Variants in PIRT observed in about 807,000 individuals in gnomAD.
PIRT encodes phosphoinositide interacting regulator of transient receptor potential channels, also known as phosphoinositide-interacting protein.
A neutral mutation model predicts 7.9 loss-of-function variants in PIRT; 6 were observed. The ratio of observed to expected loss-of-function variants is 0.76; its 90% CI spans 0.42 to 1.51. PIRT has a LOEUF of 1.51. Ranked by LOEUF, PIRT falls within the 40% of genes most tolerant of loss-of-function variation. PIRT has a pLI of 0.01. For synonymous variants in PIRT, 78 were observed against 71.8 expected (o/e 1.09, Z -0.44); for missense variants, 170 against 172.9 (o/e 0.98, Z 0.09).
intron 1 of PIRT, among the ~76,000 whole-genome samples, chr17:10,836,027 T>C (rs903160006): frequency 1.7e-4 from 26 of 151,940 alleles, no homozygotes; most frequent in African/African-American, 6.0e-4. Context: ...CTCAGCCTCC[T>C]GAGTAGCTGG....
chr17:10,822,723 G>C lies in PIRT; in HGVS notation c.*2509C>G, dbSNP rs758397991. 5 of 152,192 alleles carry C rather than the reference G, an allele frequency of 3.3e-5. No individual in the cohort carries two copies. Among genetic ancestry groups the C allele is most frequent in the Admixed American group, 1.3e-4 (2 of 15,276 alleles). 9.4% of individuals were successfully genotyped at this position (152,192 alleles called of 1,614,324 possible). On this transcript the variant is annotated 3_prime_UTR_variant, in exon 2 of 2. Transcript: ENST00000580256. ...CATCCGTACCTCAGCCTTCCATGGG[G>C]TAACAGGCATTGGCAAAAAATGTCC...
intron 1 of PIRT, among the ~76,000 whole-genome samples, chr17:10,829,552 C>A (rs1038573748): frequency 2.0e-5 from 3 of 152,272 alleles, no homozygotes. Flanking sequence ...TATACCAACC[C>A]CCACATCAGG....
intron 1 of PIRT, among the ~76,000 whole-genome samples, chr17:10,826,619 CTGA>C (rs1384109434): frequency 6.6e-6 from 1 of 152,206 alleles, no homozygotes; most frequent in Admixed American, 6.5e-5. Context: ...TCCTGTTTTA[CTGA>C]TGAGATAGTG....
At position 10,822,472 on chromosome 17, in the gene PIRT, G is replaced by A. The variant is rs1905227812; in HGVS notation, c.*2760C>T. ...GAGAAGAATGAAAACACAGCAGACAGTGTTACATAGAATACAATTCAACAT... is the reference window on the plus strand; with the variant it reads ...GAGAAGAATGAAAACACAGCAGACAATGTTACATAGAATACAATTCAACAT... On this transcript the variant is annotated 3_prime_UTR_variant, in exon 2 of 2. Coordinates refer to ENST00000580256, the MANE Select transcript of PIRT (RefSeq NM_001101387.2). 1 of 152,234 alleles carries A rather than the reference G, an allele frequency of 6.6e-6. No homozygotes were observed. The highest frequency in any genetic ancestry group is 1.5e-5 in the Non-Finnish European group (1 of 68,052). 9.4% of individuals were successfully genotyped at this position (152,234 alleles called of 1,614,324 possible). A position where few individuals can be genotyped will look rare whatever the true frequency, so the allele number is the denominator to read the frequency against.
Position 10,824,993 on chromosome 17 carries a change from G to A in PIRT, c.*239C>T. 1 of 572,308 alleles carries A rather than the reference G, an allele frequency of 1.7e-6. No individual in the cohort carries two copies. The highest frequency in any genetic ancestry group is 1.9e-5 in the African/African-American group (1 of 53,616). The allele number at this position is 572,308 out of a possible 1,614,324, so 35.5% of individuals were successfully genotyped here. ...GGGGCAGGGGGTTAGAGTGACCAAA[G>A]GGAAGGCCACAGCCGGGATCCAAGG... is the stretch of plus-strand genomic sequence containing the variant. On this transcript the variant is annotated 3_prime_UTR_variant, in exon 2 of 2. Coordinates refer to ENST00000580256, the MANE Select transcript of PIRT (RefSeq NM_001101387.2).
At chr17:10,831,250 T>C (rs1456219900) in intron 1 of PIRT, among the ~76,000 whole-genome samples, 1 of 152,170 alleles carries the variant, frequency 6.6e-6, no homozygotes. Flanking sequence ...GGTAGTTTGG[T>C]TTGTGTGATT....
At chr17:10,825,894 G>T in intron 1 of PIRT, 111 bp from the exon 2 acceptor site, 1 of 346,390 alleles carries the variant, frequency 2.9e-6, no homozygotes, top group Non-Finnish European at 5.1e-6. Flanking sequence ...TTATTCAATA[G>T]CTTTTAATAT....
At chr17:10,827,609 G>A (rs1905365183) in intron 1 of PIRT, among the ~76,000 whole-genome samples, 2 of 150,612 alleles carry the variant, frequency 1.3e-5, no homozygotes, top group Admixed American at 1.3e-4. Flanking sequence ...TGAGTAGTTG[G>A]AATTACAGGT....
intron 1 of PIRT, among the ~76,000 whole-genome samples, chr17:10,827,428 G>A (rs560859261): frequency 2.6e-4 from 36 of 138,296 alleles, no homozygotes; most frequent in Non-Finnish European, 4.6e-4. Flanking sequence ...TTTCATGTCC[G>A]ATTAAAGCAT....
At chr17:10,833,272 T>G (rs2151535661) in intron 1 of PIRT, among the ~76,000 whole-genome samples, 1 of 152,240 alleles carries the variant, frequency 6.6e-6, no homozygotes, top group East Asian at 1.9e-4. Flanking sequence ...TAAAGATTTT[T>G]GGGGAAACCA....
At chr17:10,832,689 A>C (rs1905491249) in intron 1 of PIRT, among the ~76,000 whole-genome samples, 1 of 152,270 alleles carries the variant, frequency 6.6e-6, no homozygotes, top group South Asian at 2.1e-4. Flanking sequence ...GTACAAAGGC[A>C]CTGGGGATAA....
Position 10,823,382 on chromosome 17 carries a change from G to T in PIRT, c.*1850C>A, listed in dbSNP as rs1029578285. On this transcript the variant is annotated 3_prime_UTR_variant, in exon 2 of 2. Coordinates refer to ENST00000580256, the MANE Select transcript of PIRT (RefSeq NM_001101387.2). ...GAGTTCCCCAAACTCTGACTCCGTG[G>T]GTGGGTCAGGTAGGGGTGGTCCCCA... 6.6e-6 allele frequency: 1 copy of T among 152,290 alleles called. No homozygotes were observed. Among genetic ancestry groups the T allele is most frequent in the African/African-American group, 2.4e-5 (1 of 41,454 alleles). The allele number at this position is 152,290 out of a possible 1,614,324, so 9.4% of individuals were successfully genotyped here.
chr17:10,831,191 G>A (rs1957684502), intron 1 of PIRT, among the ~76,000 whole-genome samples: 1 of 152,180 alleles, frequency 6.6e-6, no homozygotes, highest in Non-Finnish European at 1.5e-5. Context: ...GTAACACTCA[G>A]GGGGCTGGTC....
chr17:10,828,598 C>A (rs1397092867), intron 1 of PIRT, among the ~76,000 whole-genome samples: 5 of 152,188 alleles, frequency 3.3e-5, no homozygotes, highest in African/African-American at 9.7e-5. Context: ...GGGCAGGTTG[C>A]AGATAAATGT....
intron 1 of PIRT, among the ~76,000 whole-genome samples, chr17:10,828,859 A>G (rs865973317): frequency 6.6e-6 from 1 of 152,226 alleles, no homozygotes; most frequent in South Asian, 2.1e-4. Flanking sequence ...ACAGGGGGAA[A>G]TAGGAGTTGT....
chr17:10,825,575 G>A lies in PIRT; in HGVS notation c.71C>T (p.Pro24Leu). Residue 24 changes from proline (P) to leucine (L), a missense_variant, in exon 2 of 2, where the codon CCC becomes CTC. By Grantham distance (98) the Pro-to-Leu change is moderately conservative. Coordinates refer to ENST00000580256, the MANE Select transcript of PIRT (RefSeq NM_001101387.2). Reference sequence around the variant, plus strand: ...GCACAGGGAGCTGGCGGTCTGGCTGGGCAGCAGGTCCTTGGCTTCTGGAGA... The same window carrying A: ...GCACAGGGAGCTGGCGGTCTGGCTGAGCAGCAGGTCCTTGGCTTCTGGAGA... ...EKSPEAKDLLPSQTASSLCIS... is the reference protein window; with the variant it reads ...EKSPEAKDLLLSQTASSLCIS... 2 of 1,583,594 alleles carry A rather than the reference G, an allele frequency of 1.3e-6. No individual in the cohort carries two copies. The highest frequency in any genetic ancestry group is 1.2e-5 in the South Asian group (1 of 86,816).
intron 1 of PIRT, among the ~76,000 whole-genome samples, chr17:10,832,278 C>T (rs1263286715): frequency 2.6e-5 from 4 of 152,090 alleles, no homozygotes; most frequent in African/African-American, 7.2e-5. Flanking sequence ...CCGCAACCGC[C>T]GCCTCCTGGG....
intron 1 of PIRT, among the ~76,000 whole-genome samples, chr17:10,832,844 T>C (rs1905494306): frequency 6.6e-6 from 1 of 152,216 alleles, no homozygotes; most frequent in South Asian, 2.1e-4. Context: ...AGGTAGTTGC[T>C]GACCTCTAAG....
chr17:10,836,789 G>C (rs923510416), intron 1 of PIRT, among the ~76,000 whole-genome samples: 1 of 152,132 alleles, frequency 6.6e-6, no homozygotes, highest in Admixed American at 6.5e-5. Context: ...GGGGAGAAGC[G>C]GGGAAGGCAG....
Sources: allele counts gnomAD v4.1 joint callset (sites outside exome capture counted in the v4.1 genomes callset), GRCh38; gene constraint gnomAD v4.1.1; transcripts MANE v1.5; gene names NCBI Gene and HGNC (gene_info 2026-07-23, HGNC 2026-07-21).